TLN2: variants seen among roughly 807,000 people sequenced by gnomAD.
TLN2 encodes the protein talin 2, also known as talin-2.
A neutral mutation model predicts 294.7 loss-of-function variants in TLN2; 118 were observed. The observed-to-expected ratio is 0.40, with a 90% CI of 0.34 to 0.47. The LOEUF (loss-of-function observed/expected upper bound fraction) is 0.47, where lower values mean the gene tolerates loss of function less well. Among genes scored for constraint, TLN2 ranks in the 20% least tolerant of loss-of-function variants. The pLI, the probability that TLN2 is intolerant of heterozygous loss-of-function variation, is 0.84. For synonymous variants in TLN2, 1,431 were observed against 1,304.5 expected, an observed-to-expected ratio of 1.10 and a Z score of -2.09; for missense variants, 3,083 against 3,282.2, an observed-to-expected ratio of 0.94 and a Z score of 1.48.
At position 62,797,237 on chromosome 15, in the gene TLN2, G is replaced by A. The variant is rs373101873; in HGVS notation, c.6069G>A (p.Thr2023=). 3.2e-5 allele frequency: 52 copies of A among 1,613,958 alleles called. No individual in the cohort carries two copies. In the Middle Eastern group the frequency reaches 1.2e-3, roughly 36 times the overall value. ...CTCTCAGGGAGAACATTCTCAAGACGGCCAAGGCCTTGGTAGAAGACACGA... is the reference window on the plus strand; with the variant it reads ...CTCTCAGGGAGAACATTCTCAAGACAGCCAAGGCCTTGGTAGAAGACACGA... ...FADHRENILK[T]AKALVEDTKL... is the part of the protein sequence containing the mutation. Residue 2023 remains threonine (T), a synonymous_variant, in exon 48 of 59, where the codon ACG becomes ACA. Coordinates refer to ENST00000636159, the MANE Select transcript of TLN2 (RefSeq NM_015059.3).
Position 62,797,226 on chromosome 15 carries a change from A to G in TLN2, c.6058A>G (p.Ile2020Val), listed in dbSNP as rs1427848013. 2 of 1,613,864 alleles carry G rather than the reference A, an allele frequency of 1.2e-6. No individual in the cohort carries two copies. The highest frequency in any genetic ancestry group is 1.3e-5 in the African/African-American group (1 of 74,886). ...SETFADHREN[I>V]LKTAKALVED... is the part of the protein sequence containing the mutation. ...CCCTCCTGGCTCTCTCAGGGAGAAC[A>G]TTCTCAAGACGGCCAAGGCCTTGGT... The change falls in exon 48 of 59, where the codon ATT (isoleucine) becomes GTT (valine). Residue 2020 changes from isoleucine (I) to valine (V), a missense_variant. Physicochemically the swap from Ile to Val is conservative, Grantham distance 29. Transcript: ENST00000636159.
chr15:62,643,209 TA>T (rs1184310591), intron 3 of TLN2, among the ~76,000 whole-genome samples: 2 of 152,150 alleles, frequency 1.3e-5, no homozygotes, highest in East Asian at 3.9e-4. Flanking sequence ...ATCTTGTCTT[TA>T]AATATAATGT....
At chr15:62,649,659 T>C (rs2052362411) in intron 4 of TLN2, among the ~76,000 whole-genome samples, 1 of 152,180 alleles carries the variant, frequency 6.6e-6, no homozygotes, top group African/African-American at 2.4e-5. Context: ...AAGGCTTCAT[T>C]TGTCCCCCTT....
rs115378013 is a variant in TLN2, at chr15:62,618,759, C to G, written c.-37+284C>G. Among the ~76,000 whole-genome samples, 456 of 152,286 alleles carry G rather than the reference C, an allele frequency of 3.0e-3. 3 individuals are homozygous for G. The highest frequency in any genetic ancestry group is 0.011 in the African/African-American group (438 of 41,554). ...ATGTGTAAGGGTTTTCTGAAGCTCT[C>G]CAGTTTGTTTCTCCTGATGTGTAGG... On this transcript the variant is annotated intron_variant, in intron 3 of 58. Transcript: ENST00000636159.
intron 58 of TLN2, 57 bp downstream of exon 58, chr15:62,839,038 C>CAG (rs3055857): frequency 0.26 from 406,129 of 1,573,770 alleles, 59,977 homozygotes; most frequent in African/African-American, 0.57. Flanking sequence ...TGGGTTATAA[C>CAG]AGAGACAAAA....
intron 1 of TLN2, among the ~76,000 whole-genome samples, chr15:62,448,043 G>C (rs1052311787): frequency 6.6e-6 from 1 of 152,174 alleles, no homozygotes; most frequent in African/African-American, 2.4e-5. Flanking sequence ...ATCCTCCCAG[G>C]AGGAGCCCAG....
At chr15:62,751,018 GA>G (rs2061909172) in intron 34 of TLN2, among the ~76,000 whole-genome samples, 3 of 151,522 alleles carry the variant, frequency 2.0e-5, no homozygotes, top group African/African-American at 2.4e-5. Context: ...GAGAGATGTT[GA>G]AAAAAAATTA....
Position 62,700,459 on chromosome 15 carries a change from G to C in TLN2, c.1588-647G>C, listed in dbSNP as rs1004785012. 2.0e-5 allele frequency among the ~76,000 whole-genome samples: 3 copies of C among 152,256 alleles called. No individual in the cohort carries two copies. The East Asian group carries it at 5.8e-4, about 29-fold the overall frequency. On this transcript the variant is annotated intron_variant, in intron 16 of 58. Coordinates refer to ENST00000636159, the MANE Select transcript of TLN2 (RefSeq NM_015059.3). ...GCTGGAAAGGTTTTTAAAAACCATT[G>C]AATTTCCATGGTAGAAGAAGTATAA...
At chr15:62,527,760 C>G (rs1227927122) in intron 1 of TLN2, among the ~76,000 whole-genome samples, 1 of 152,184 alleles carries the variant, frequency 6.6e-6, no homozygotes, top group Non-Finnish European at 1.5e-5. Flanking sequence ...CCACTGCCAG[C>G]CTCTTTGTCT....
chr15:62,708,860 C>T, intron 21 of TLN2, 64 bp downstream of exon 21: 2 of 1,513,470 alleles, frequency 1.3e-6, no homozygotes, highest in South Asian at 1.3e-5. Flanking sequence ...GTGGTGCTAA[C>T]CCATAGGGAA....
At chr15:62,770,581 T>A (rs2063294299) in intron 41 of TLN2, among the ~76,000 whole-genome samples, 1 of 152,236 alleles carries the variant, frequency 6.6e-6, no homozygotes, top group African/African-American at 2.4e-5. Context: ...TGCTTTTTTC[T>A]GCTCCCCTGC....
At chr15:62,783,280 C>G (rs963784364) in intron 44 of TLN2, among the ~76,000 whole-genome samples, 1 of 152,374 alleles carries the variant, frequency 6.6e-6, no homozygotes, top group East Asian at 1.9e-4. Context: ...CCCTCTCTCA[C>G]CTGGGTGGGA....
In TLN2 at chr15:62,820,596, A is replaced by G. The variant is rs1469615425; in HGVS notation, c.6988A>G (p.Arg2330Gly). 1 of 1,613,462 alleles carries G rather than the reference A, an allele frequency of 6.2e-7. No individual in the cohort carries two copies. Reference protein sequence around the residue: ...AAKKLEQLKPRAKPKQADETL... With the variant: ...AAKKLEQLKPGAKPKQADETL... ...TAAGAAGTTAGAGCAACTGAAGCCAAGAGCAAAACCAAAAGTAAGTGTTCA... is the reference window on the plus strand; with the variant it reads ...TAAGAAGTTAGAGCAACTGAAGCCAGGAGCAAAACCAAAAGTAAGTGTTCA... Residue 2330 changes from arginine (R) to glycine (G), a missense_variant, in exon 54 of 59, where the codon AGA (arginine) becomes GGA (glycine). Arg to Gly is a moderately radical substitution (Grantham distance 125). Transcript: ENST00000636159.
chr15:62,590,805 C>G (rs1249686328), intron 2 of TLN2, among the ~76,000 whole-genome samples: 1 of 152,160 alleles, frequency 6.6e-6, no homozygotes, highest in Non-Finnish European at 1.5e-5. Flanking sequence ...GTAGCTGTAT[C>G]ATGGCACACC....
chr15:62,509,171 G>A (rs2039797190), intron 1 of TLN2, among the ~76,000 whole-genome samples: 1 of 152,214 alleles, frequency 6.6e-6, no homozygotes, highest in South Asian at 2.1e-4. Flanking sequence ...CTTCCTGTCT[G>A]CGTGTACTGG....
chr15:62,752,272 G>T, intron 34 of TLN2, 33 bp from the exon 35 acceptor site: 3 of 1,612,646 alleles, frequency 1.9e-6, no homozygotes, highest in Non-Finnish European at 2.5e-6. Context: ...GGCAATGCTG[G>T]ATAGAGAATG....
At chr15:62,790,127 A>C (rs914217857) in intron 45 of TLN2, among the ~76,000 whole-genome samples, 12 of 152,230 alleles carry the variant, frequency 7.9e-5, no homozygotes, top group African/African-American at 2.9e-4. Context: ...ACACTGTGTC[A>C]CCAAAGCAAA....
chr15:62,772,598 C>T (rs1360943841), intron 42 of TLN2, among the ~76,000 whole-genome samples: 3 of 152,134 alleles, frequency 2.0e-5, no homozygotes, highest in African/African-American at 7.2e-5. Context: ...CACATGTCCC[C>T]ACTCCTACCT....
intron 58 of TLN2, among the ~76,000 whole-genome samples, chr15:62,839,914 G>T (rs1425194937): frequency 6.6e-6 from 1 of 152,206 alleles, no homozygotes; most frequent in East Asian, 1.9e-4. Context: ...GCCAGGAAAG[G>T]AACTGACTTT....
Sources: gnomAD v4.1 joint callset for allele counts (sites outside exome capture counted in the v4.1 genomes callset) on GRCh38, gnomAD v4.1.1 for gene constraint, MANE v1.5 for transcripts, NCBI Gene and HGNC (gene_info 2026-07-23, HGNC 2026-07-21) for gene names.